The following CNTNAP2 variants were observed in gnomAD, a reference collection of about 807,000 sequenced individuals.
The protein encoded by CNTNAP2 is contactin associated protein 2, also known as contactin-associated protein-like 2.
CNTNAP2 carries 98 observed loss-of-function variants against 155.2 expected under a neutral mutation model. The ratio of observed to expected loss-of-function variants is 0.63; its 90% CI spans 0.54 to 0.75. The LOEUF (loss-of-function observed/expected upper bound fraction) is 0.75. Ranked by LOEUF, CNTNAP2 falls within the 30% of genes least tolerant of loss-of-function variation. The pLI is 0.00. For missense variants in CNTNAP2, 1,727 were observed against 1,688.1 expected (o/e 1.02, Z -0.40); for synonymous variants, 651 against 631.2 (o/e 1.03, Z -0.47).
At chr7:147,774,830 G>GTACCTTAAAACTAATCTAACCTAAGTC (rs1797532924) in intron 13 of CNTNAP2, among the ~76,000 whole-genome samples, 1 of 152,110 alleles carries the variant, frequency 6.6e-6, no homozygotes, top group Non-Finnish European at 1.5e-5. Flanking sequence ...AGATAGAAAT[G>GTACCTTAAAACTAATCTAACCTAAGTC]TACCTTAAAA....
At chr7:146,191,831 CT>C (rs1196687115) in intron 1 of CNTNAP2, among the ~76,000 whole-genome samples, 2 of 152,136 alleles carry the variant, frequency 1.3e-5, no homozygotes, top group South Asian at 2.1e-4. Context: ...TTACCCTGTT[CT>C]TTTTTCAAGG....
chr7:146,575,310 T>C (rs972956999), intron 1 of CNTNAP2, among the ~76,000 whole-genome samples: 1 of 151,704 alleles, frequency 6.6e-6, no homozygotes, highest in Admixed American at 6.6e-5. Context: ...AGAGACAGGG[T>C]TTCATCATAT....
intron 13 of CNTNAP2, among the ~76,000 whole-genome samples, chr7:147,868,778 C>T (rs1799277200): frequency 6.6e-6 from 1 of 152,262 alleles, no homozygotes; most frequent in African/African-American, 2.4e-5. Flanking sequence ...CCCTCCAAGC[C>T]AGGCATGGGA....
intron 8 of CNTNAP2, among the ~76,000 whole-genome samples, chr7:147,211,085 T>C (rs1268488147): frequency 6.6e-6 from 1 of 151,880 alleles, no homozygotes; most frequent in Non-Finnish European, 1.5e-5. Flanking sequence ...GTAGGTTTTA[T>C]GTGCAGATGA....
chr7:147,513,526 A>G lies in CNTNAP2; in HGVS notation c.1777+27485A>G, dbSNP rs1221798492. Among the ~76,000 whole-genome samples the G allele has an allele frequency of 6.6e-5, 10 of 152,356 alleles. No individual in the cohort carries two copies. In the East Asian group the frequency reaches 1.9e-3, roughly 29 times the overall value. On this transcript the variant is annotated intron_variant, in intron 11 of 23. Transcript: ENST00000361727. Reference sequence around the variant, plus strand: ...CTGTAATGCTAAAAGGAGGCAACACATGTTGATTATAAAGCCTTCCATGTA... The same window carrying G: ...CTGTAATGCTAAAAGGAGGCAACACGTGTTGATTATAAAGCCTTCCATGTA...
intron 1 of CNTNAP2, among the ~76,000 whole-genome samples, chr7:146,687,000 C>A (rs564530566): frequency 3.3e-5 from 5 of 152,028 alleles, no homozygotes; most frequent in Non-Finnish European, 7.4e-5. Flanking sequence ...CAATAAGGTG[C>A]GTTAGTTTAT....
intron 1 of CNTNAP2, among the ~76,000 whole-genome samples, chr7:146,638,478 T>TTCTTTC (rs147465026): frequency 2.7e-5 from 1 of 37,530 alleles, no homozygotes; most frequent in African/African-American, 7.7e-5. Flanking sequence ...AGGTGTTTCT[T>TTCTTTC]TTTTTTTTTT....
chr7:146,371,958 C>CAAAAA (rs111816450), intron 1 of CNTNAP2, among the ~76,000 whole-genome samples: 4,697 of 107,432 alleles, frequency 0.044, 231 homozygotes, highest in African/African-American at 0.13. Flanking sequence ...AACTCCATCT[C>CAAAAA]AAAAAAAAAA....
At chr7:146,883,188 A>T (rs1361460568) in intron 3 of CNTNAP2, among the ~76,000 whole-genome samples, 1 of 152,118 alleles carries the variant, frequency 6.6e-6, no homozygotes, top group African/African-American at 2.4e-5. Flanking sequence ...GCATTTGTAC[A>T]TTGTATTTTT....
intron 13 of CNTNAP2, among the ~76,000 whole-genome samples, chr7:147,832,387 T>C (rs1019026542): frequency 6.8e-6 from 1 of 146,660 alleles, no homozygotes; most frequent in South Asian, 2.1e-4. Flanking sequence ...TTATACAGAA[T>C]TATATATAAT....
intron 1 of CNTNAP2, among the ~76,000 whole-genome samples, chr7:146,145,648 AT>A (rs2116765098): frequency 1.3e-5 from 2 of 152,270 alleles, no homozygotes; most frequent in Admixed American, 1.3e-4. Context: ...ATTGTCCCCT[AT>A]TACTGACCAT....
chr7:146,711,497 C>A (rs1299233951), intron 1 of CNTNAP2, among the ~76,000 whole-genome samples: 2 of 148,646 alleles, frequency 1.3e-5, no homozygotes, highest in East Asian at 2.0e-4. Context: ...TAAATTTCCA[C>A]TGTTACCATG....
At chr7:146,644,295 C>G (rs1408196134) in intron 1 of CNTNAP2, among the ~76,000 whole-genome samples, 1 of 152,112 alleles carries the variant, frequency 6.6e-6, no homozygotes, top group Non-Finnish European at 1.5e-5. Flanking sequence ...GTGGGTTTGT[C>G]ATAGACAGCT....
intron 16 of CNTNAP2, among the ~76,000 whole-genome samples, chr7:148,135,215 G>A (rs984218939): frequency 1.3e-5 from 2 of 152,116 alleles, no homozygotes; most frequent in Admixed American, 6.5e-5. Context: ...CTGGTCGGAT[G>A]TTTATCTGGG....
In CNTNAP2 at chr7:147,458,801, C is replaced by T. The variant is rs539862158; in HGVS notation, c.1671-27134C>T. Among the ~76,000 whole-genome samples the T allele has an allele frequency of 3.3e-3, 507 of 152,218 alleles. 2 individuals are homozygous for T. Among genetic ancestry groups the T allele is most frequent in the African/African-American group, 0.012 (495 of 41,552 alleles). ...TTTTCTTGAAATGAAGGTCATTTTA[C>T]GAACATAAATTTTTCTCCAAAATGA... On this transcript the variant is annotated intron_variant, in intron 10 of 23. Transcript: ENST00000361727.
intron 3 of CNTNAP2, among the ~76,000 whole-genome samples, chr7:146,870,923 C>T (rs1050729405): frequency 5.1e-4 from 78 of 152,040 alleles, no homozygotes; most frequent in Admixed American, 1.3e-3. Flanking sequence ...AAAATGAATG[C>T]CAAAAATAGC....
intron 3 of CNTNAP2, among the ~76,000 whole-genome samples, chr7:146,919,980 A>T (rs1261427426): frequency 6.6e-6 from 1 of 152,182 alleles, no homozygotes; most frequent in Non-Finnish European, 1.5e-5. Context: ...CTCCATTCTC[A>T]ACATATGGAT....
At chr7:146,300,651 A>C (rs908059457) in intron 1 of CNTNAP2, among the ~76,000 whole-genome samples, 2 of 152,146 alleles carry the variant, frequency 1.3e-5, no homozygotes, top group Admixed American at 1.3e-4. Flanking sequence ...CAAGTTATCG[A>C]AAATCAACCC....
At chr7:147,106,813 C>T (rs575849527) in intron 4 of CNTNAP2, among the ~76,000 whole-genome samples, 19 of 152,292 alleles carry the variant, frequency 1.2e-4, no homozygotes, top group African/African-American at 4.3e-4. Flanking sequence ...TGCATCTCTA[C>T]TGTGGCCCCC....
Sources: gnomAD v4.1 joint callset for allele counts (sites outside exome capture counted in the v4.1 genomes callset) on GRCh38, gnomAD v4.1.1 for gene constraint, MANE v1.5 for transcripts, NCBI Gene and HGNC (gene_info 2026-07-23, HGNC 2026-07-21) for gene names.